LAMA3: variants seen among roughly 807,000 people sequenced by gnomAD.
LAMA3 encodes the protein laminin subunit alpha-3.
A neutral mutation model predicts 402.0 loss-of-function variants in LAMA3; 281 were observed. That is an observed-to-expected ratio of 0.70 (90% CI 0.63 to 0.77). The LOEUF is 0.77. LAMA3 is among the 30% of genes least tolerant of loss of function. LAMA3 has a pLI of 0.00. For synonymous variants in LAMA3, 1,431 were observed against 1,558.4 expected, an observed-to-expected ratio of 0.92 and a Z score of 1.93; for missense variants, 3,840 against 4,215.5, an observed-to-expected ratio of 0.91 and a Z score of 2.47.
At chr18:23,761,665 C>A (rs1034828182) in intron 7 of LAMA3, among the ~76,000 whole-genome samples, 2 of 152,110 alleles carry the variant, frequency 1.3e-5, no homozygotes, top group African/African-American at 4.8e-5. Flanking sequence ...TAATAATATT[C>A]TCTTCGTGCA....
intron 27 of LAMA3, 120 bp from the exon 28 acceptor site, chr18:23,842,275 C>G: frequency 7.8e-7 from 1 of 1,275,292 alleles, no homozygotes; most frequent in Non-Finnish European, 1.1e-6. Context: ...TGTCATTTCA[C>G]TTTGGTAAAT....
chr18:23,900,361 G>A lies in LAMA3; in HGVS notation c.6005-766G>A, dbSNP rs956263990. The stretch of plus-strand genomic sequence containing the variant: ...GCTGAGATTACAGGCGTGAGCCACC[G>A]CACCCAGCCTCTGAAATGAACTTTT... On this transcript the variant is annotated intron_variant, in intron 47 of 74. Transcript: ENST00000313654. Among the ~76,000 whole-genome samples, 15 of 152,240 alleles carry A rather than the reference G, an allele frequency of 9.9e-5. No individual in the cohort carries two copies. In the East Asian group the frequency reaches 1.9e-3, roughly 20 times the overall value.
chr18:23,753,249 C>T (rs1178516893), intron 5 of LAMA3, among the ~76,000 whole-genome samples: 2 of 152,184 alleles, frequency 1.3e-5, no homozygotes, highest in African/African-American at 2.4e-5. Flanking sequence ...TGTATTGGAT[C>T]CATCTCTGTA....
intron 20 of LAMA3, among the ~76,000 whole-genome samples, chr18:23,822,701 T>C (rs1444572801): frequency 1.3e-5 from 2 of 152,348 alleles, no homozygotes; most frequent in Middle Eastern, 3.4e-3. Context: ...GGGTGTCACT[T>C]TTTTGGTGTT....
In LAMA3 at chr18:23,845,119, C is replaced by T. The variant is rs1205891896; in HGVS notation, c.3714C>T (p.Tyr1238=). Residue 1238 remains tyrosine (Y), a synonymous_variant, in exon 30 of 75, where the codon TAC becomes TAT. Coordinates refer to ENST00000313654, the MANE Select transcript of LAMA3 (RefSeq NM_198129.4). Reference sequence around the variant, plus strand: ...CCAATTGTGGAAAAAACAGCTTTTACCTTGAGTGAGTATCACTTTGTGGGA... The same window carrying T: ...CCAATTGTGGAAAAAACAGCTTTTATCTTGAGTGAGTATCACTTTGTGGGA... The part of the protein sequence containing the change: ...FITNCGKNSF[Y]LDPQTASRFC... 6.4e-7 allele frequency: 1 copy of T among 1,566,092 alleles called. No individual in the cohort carries two copies. The highest frequency in any genetic ancestry group is 1.1e-5 in the South Asian group (1 of 89,996).
At chr18:23,726,667 G>A (rs1480035633) in intron 2 of LAMA3, among the ~76,000 whole-genome samples, 2 of 152,100 alleles carry the variant, frequency 1.3e-5, no homozygotes, top group African/African-American at 4.8e-5. Flanking sequence ...TGCCCAGCTG[G>A]AGTGCAGTGA....
At chr18:23,701,352 G>A (rs1057465580) in intron 1 of LAMA3, among the ~76,000 whole-genome samples, 1 of 152,142 alleles carries the variant, frequency 6.6e-6, no homozygotes, top group African/African-American at 2.4e-5. Flanking sequence ...CAGAAGTTAG[G>A]AGCTGAGAAT....
rs376097519 is a variant in LAMA3, at chr18:23,886,089, G to A, written c.5303+1236G>A. Reference sequence around the variant, plus strand: ...GGGTTTCCATTATCTCCTACTCTTGGTCTTGGAGATCCTTTTACTGTTCTG... The same window carrying A: ...GGGTTTCCATTATCTCCTACTCTTGATCTTGGAGATCCTTTTACTGTTCTG... On this transcript the variant is annotated intron_variant, in intron 41 of 74. Coordinates refer to ENST00000313654, the MANE Select transcript of LAMA3 (RefSeq NM_198129.4). 5.9e-5 allele frequency among the ~76,000 whole-genome samples: 9 copies of A among 152,168 alleles called. No individual in the cohort carries two copies. The East Asian group carries it at 1.3e-3, about 23-fold the overall frequency.
At chr18:23,936,862 C>T (rs2082326667) in intron 67 of LAMA3, among the ~76,000 whole-genome samples, 1 of 152,224 alleles carries the variant, frequency 6.6e-6, no homozygotes, top group Non-Finnish European at 1.5e-5. Context: ...ACTGGAATCA[C>T]ACCCTGGGGC....
chr18:23,778,547 TG>T (rs1437358806), intron 11 of LAMA3, among the ~76,000 whole-genome samples: 1 of 152,160 alleles, frequency 6.6e-6, no homozygotes, highest in Non-Finnish European at 1.5e-5. Context: ...TCCAGAGCCA[TG>T]GGGAGTTTCT....
intron 7 of LAMA3, among the ~76,000 whole-genome samples, chr18:23,761,227 A>T (rs1246121442): frequency 6.6e-6 from 1 of 152,178 alleles, no homozygotes; most frequent in African/African-American, 2.4e-5. Flanking sequence ...GTGTTTGTTG[A>T]GTACCCACTG....
chr18:23,795,858 T>C (rs1385912862), intron 12 of LAMA3, among the ~76,000 whole-genome samples: 1 of 152,110 alleles, frequency 6.6e-6, no homozygotes, highest in African/African-American at 2.4e-5. Context: ...TAAAAATTCA[T>C]ATGTTGAAGC....
chr18:23,774,595 G>A (rs2062273683), intron 9 of LAMA3, among the ~76,000 whole-genome samples: 1 of 152,020 alleles, frequency 6.6e-6, no homozygotes, highest in African/African-American at 2.4e-5. Flanking sequence ...ATGAATCTTG[G>A]GTCAGATTTA....
chr18:23,822,005 G>C (rs1017595374), intron 19 of LAMA3, among the ~76,000 whole-genome samples: 10 of 152,226 alleles, frequency 6.6e-5, no homozygotes, highest in Admixed American at 2.0e-4. Context: ...GAGGATCTCA[G>C]TTGCTGAGGG....
At chr18:23,762,123 G>A (rs919026746) in intron 7 of LAMA3, among the ~76,000 whole-genome samples, 21 of 152,090 alleles carry the variant, frequency 1.4e-4, no homozygotes, top group African/African-American at 5.1e-4. Flanking sequence ...GGCTGAGGTG[G>A]GAGGATTACT....
At chr18:23,878,016 G>A (rs989221385) in intron 39 of LAMA3, among the ~76,000 whole-genome samples, 7 of 152,184 alleles carry the variant, frequency 4.6e-5, no homozygotes, top group South Asian at 2.1e-4. Context: ...GGGAGGCTGA[G>A]GCAGGAGAAT....
intron 39 of LAMA3, among the ~76,000 whole-genome samples, chr18:23,878,044 C>T (rs889648703): frequency 5.3e-5 from 8 of 152,078 alleles, no homozygotes; most frequent in African/African-American, 7.2e-5. Context: ...ACCCAGGAGG[C>T]GGAGCTTGCA....
At chr18:23,901,569 C>G (rs547046760) in intron 48 of LAMA3, among the ~76,000 whole-genome samples, 1 of 152,224 alleles carries the variant, frequency 6.6e-6, no homozygotes, top group Non-Finnish European at 1.5e-5. Context: ...ACCTGCATCC[C>G]CAGCTGAAAG....
In LAMA3 at chr18:23,827,170, G is replaced by A. The variant is rs2063399227; in HGVS notation, c.2670-144G>A. The A allele has an allele frequency of 3.2e-6, 3 of 928,016 alleles. No homozygotes were observed. In the South Asian group the frequency reaches 4.0e-5, roughly 12 times the overall value. The allele number at this position is 928,016 out of a possible 1,614,324, so 57.5% of individuals were successfully genotyped here. A position where few individuals can be genotyped will look rare whatever the true frequency, so the allele number is the denominator to read the frequency against. On this transcript the variant is annotated intron_variant, in intron 22 of 74. Coordinates refer to ENST00000313654, the MANE Select transcript of LAMA3 (RefSeq NM_198129.4). The stretch of plus-strand genomic sequence containing the variant: ...GAAAATTTATTGCTTAATTCTTGTA[G>A]CAGACACTTAATAAGAGTTTATTGA...
Sources: gnomAD v4.1 joint callset for allele counts (sites outside exome capture counted in the v4.1 genomes callset) on GRCh38, gnomAD v4.1.1 for gene constraint, MANE v1.5 for transcripts, NCBI Gene and HGNC (gene_info 2026-07-23, HGNC 2026-07-21) for gene names.